BPHL: variants seen among roughly 807,000 people sequenced by gnomAD.
The protein encoded by BPHL is biphenyl hydrolase like.
In BPHL, 27 loss-of-function variants were observed where a neutral mutation model predicts 31.2. The ratio of observed to expected loss-of-function variants is 0.87; its 90% confidence interval spans 0.64 to 1.19. The LOEUF (loss-of-function observed/expected upper bound fraction) is 1.19. Among genes scored for constraint, BPHL ranks in the 50% most tolerant of loss-of-function variants. BPHL has a pLI of 0.00. For synonymous variants in BPHL, 150 were observed against 146.8 expected (o/e 1.02, Z -0.16); for missense variants, 356 against 375.7 (o/e 0.95, Z 0.43).
chr6:3,126,049 G>A (rs1236939804), intron 2 of BPHL, among the ~76,000 whole-genome samples: 3 of 152,180 alleles, frequency 2.0e-5, no homozygotes, highest in Non-Finnish European at 4.4e-5. Context: ...GGTGGGCTGT[G>A]GACTAGCGGC....
intron 4 of BPHL, among the ~76,000 whole-genome samples, chr6:3,133,887 T>C (rs1371217655): frequency 6.6e-6 from 1 of 152,196 alleles, no homozygotes; most frequent in Non-Finnish European, 1.5e-5. Flanking sequence ...GTAGACTACA[T>C]TACAAGTGAC....
rs1391360604 is a variant in BPHL, at chr6:3,129,109, C to T, written c.443C>T (p.Ala148Val). Residue 148 changes from alanine to valine, a missense_variant, in exon 4 of 7, where the codon GCT becomes GTT. Coordinates refer to ENST00000380379, the MANE Select transcript of BPHL (RefSeq NM_004332.4). Reference protein sequence around the residue: ...WSDGGITALIAAAKYPSYIHK... With the variant: ...WSDGGITALIVAAKYPSYIHK... The stretch of plus-strand genomic sequence containing the variant: ...GATGGGGGCATAACCGCACTCATTG[C>T]TGCTGCAAAATATCCATCTTACATC... 2 of 1,613,684 alleles carry T rather than the reference C, an allele frequency of 1.2e-6. No homozygotes were observed. Among genetic ancestry groups the T allele is most frequent in the Non-Finnish European group, 1.7e-6 (2 of 1,179,866 alleles).
chr6:3,140,333 A>C lies in BPHL; in HGVS notation c.665-53A>C. The stretch of plus-strand genomic sequence containing the variant: ...GGCTCGCCGAGTTTCGCCTCCTCTG[A>C]CCGCGTAGAATGGTTGCACTAAAGC... On this transcript the variant is annotated intron_variant, in intron 5 of 6. Transcript: ENST00000380379. The surrounding 1 kb of genome is among the most constrained non-coding windows in gnomAD (Gnocchi z 5.2). 10 of 1,602,470 alleles carry C rather than the reference A, an allele frequency of 6.2e-6. No homozygotes were observed. Among genetic ancestry groups the C allele is most frequent in the Non-Finnish European group, 8.5e-6 (10 of 1,172,472 alleles).
intron 4 of BPHL, among the ~76,000 whole-genome samples, chr6:3,133,587 T>C (rs1761931983): frequency 6.6e-6 from 1 of 151,884 alleles, no homozygotes; most frequent in African/African-American, 2.4e-5. Flanking sequence ...CGAGACCACC[T>C]GGGTCCCTGC....
chr6:3,143,468 G>A (rs539867878), intron 6 of BPHL, among the ~76,000 whole-genome samples: 19 of 152,270 alleles, frequency 1.2e-4, no homozygotes, highest in African/African-American at 3.4e-4. Context: ...AAGCAAAGAG[G>A]CCTTAGAGAT....
chr6:3,119,260 T>C (rs1561786011), intron 1 of BPHL: 9 of 1,530,824 alleles, frequency 5.9e-6, no homozygotes, highest in Non-Finnish European at 7.9e-6. Flanking sequence ...ATAAGGACAA[T>C]AATCTCTTCT....
chr6:3,152,556 CAGA>C lies in BPHL; in HGVS notation c.861_863del (p.Glu287del), dbSNP rs1317146406. On this transcript the variant is annotated inframe_deletion, in exon 7 of 7. Transcript: ENST00000380379. ...TTTGCAGATGAATTCAACAAGTTAG[CAGA>C]AGACTTCCTACAATGAGAATGCACA... 6.2e-6 allele frequency: 10 copies of C among 1,613,190 alleles called. No individual in the cohort carries two copies. The highest frequency in any genetic ancestry group is 1.6e-4 in the Middle Eastern group (1 of 6,082).
intron 5 of BPHL, 120 bp downstream of exon 5, chr6:3,137,613 G>T: frequency 2.1e-6 from 3 of 1,417,348 alleles, no homozygotes; most frequent in South Asian, 1.3e-5. Context: ...ACGCTCATGT[G>T]TGAGCAGAAC....
At chr6:3,131,398 G>A (rs1462142971) in intron 4 of BPHL, among the ~76,000 whole-genome samples, 3 of 152,072 alleles carry the variant, frequency 2.0e-5, no homozygotes, top group Admixed American at 1.3e-4. Context: ...GTCCTCCTCT[G>A]CCCTCTTCAT....
intron 4 of BPHL, among the ~76,000 whole-genome samples, chr6:3,130,469 C>T (rs1042786801): frequency 5.3e-5 from 8 of 152,252 alleles, no homozygotes; most frequent in African/African-American, 1.4e-4. Context: ...AACTGACCTG[C>T]GTTACCCTAC....
chr6:3,119,568 A>G, intron 1 of BPHL: 1 of 1,605,670 alleles, frequency 6.2e-7, no homozygotes, highest in East Asian at 2.2e-5. Context: ...TTGAAAATGG[A>G]TACTCTTGGT....
At chr6:3,146,211 G>C (rs547163244) in intron 6 of BPHL, among the ~76,000 whole-genome samples, 2 of 59,644 alleles carry the variant, frequency 3.4e-5, no homozygotes, top group East Asian at 8.4e-4. Flanking sequence ...TGGAGTGCTG[G>C]TGTGGGTTGG....
chr6:3,124,318 G>A (rs1389649251), intron 2 of BPHL, among the ~76,000 whole-genome samples: 1 of 152,078 alleles, frequency 6.6e-6, no homozygotes, highest in Non-Finnish European at 1.5e-5. Context: ...ATCTCATTTT[G>A]CAGAACTGGA....
chr6:3,147,099 A>C (rs1476982426), intron 6 of BPHL, among the ~76,000 whole-genome samples: 1 of 152,180 alleles, frequency 6.6e-6, no homozygotes, highest in Non-Finnish European at 1.5e-5. Flanking sequence ...TCGTCTCTAC[A>C]AAAAGCAAGA....
intron 1 of BPHL, chr6:3,119,388 TC>T (rs1761495955): frequency 2.5e-6 from 4 of 1,599,656 alleles, no homozygotes. Context: ...TGCAAAAGAA[TC>T]ACGTTGGGAA....
At chr6:3,133,438 A>G (rs1339451950) in intron 4 of BPHL, among the ~76,000 whole-genome samples, 1 of 152,056 alleles carries the variant, frequency 6.6e-6, no homozygotes, top group Non-Finnish European at 1.5e-5. Context: ...GTCTTACTTT[A>G]AGCCTTCCAG....
intron 3 of BPHL, among the ~76,000 whole-genome samples, chr6:3,128,473 C>CT (rs1428412385): frequency 6.6e-6 from 1 of 152,206 alleles, no homozygotes; most frequent in Non-Finnish European, 1.5e-5. Flanking sequence ...GGCGGCCTCT[C>CT]TAAGATGTAA....
intron 1 of BPHL, among the ~76,000 whole-genome samples, chr6:3,122,523 C>T (rs1054418048): frequency 2.6e-5 from 4 of 152,270 alleles, no homozygotes; most frequent in East Asian, 1.9e-4. Context: ...TGGCTGTCCT[C>T]GAAGAGCAGC....
intron 2 of BPHL, 26 bp from the exon 3 acceptor site, chr6:3,127,216 G>C (rs1210557214): frequency 1.3e-6 from 2 of 1,493,400 alleles, no homozygotes; most frequent in Non-Finnish European, 1.8e-6. Flanking sequence ...GCGATCACCT[G>C]AGGGTAACCA....
Sources: allele counts gnomAD v4.1 joint callset (sites outside exome capture counted in the v4.1 genomes callset), GRCh38; gene constraint gnomAD v4.1.1; non-coding constraint Gnocchi (gnomAD v3.1); transcripts MANE v1.5; gene names NCBI Gene and HGNC (gene_info 2026-07-23, HGNC 2026-07-21).